PSD3: variants seen among roughly 807,000 people sequenced by gnomAD.
The protein encoded by PSD3 is pleckstrin and Sec7 domain containing 3.
A neutral mutation model predicts 105.5 loss-of-function variants in PSD3; 49 were observed. The observed-to-expected ratio is 0.46, with a 90% CI of 0.37 to 0.59. The LOEUF (loss-of-function observed/expected upper bound fraction) is 0.59, where lower values mean the gene tolerates loss of function less well. Among genes scored for constraint, PSD3 ranks in the 20% least tolerant of loss-of-function variants. PSD3 has a pLI of 0.00. For synonymous variants in PSD3, 557 were observed against 457.8 expected, an observed-to-expected ratio of 1.22 and a Z score of -2.77; for missense variants, 1,561 against 1,263.8, an observed-to-expected ratio of 1.24 and a Z score of -3.57.
intron 1 of PSD3, among the ~76,000 whole-genome samples, chr8:18,986,361 G>C (rs1262826298): frequency 1.3e-5 from 2 of 151,806 alleles, no homozygotes; most frequent in African/African-American, 2.4e-5. Flanking sequence ...TCAAATACTG[G>C]GTACCTCATA....
chr8:18,718,373 A>G (rs573694528), intron 9 of PSD3, among the ~76,000 whole-genome samples: 14 of 152,360 alleles, frequency 9.2e-5, no homozygotes, highest in Admixed American at 7.2e-4. Flanking sequence ...TTGTAGCTTT[A>G]GCATATTATT....
chr8:18,624,549 G>A (rs1480784034), intron 11 of PSD3, among the ~76,000 whole-genome samples: 4 of 93,570 alleles, frequency 4.3e-5, no homozygotes, highest in Non-Finnish European at 5.9e-5. Context: ...GGTGGGGGGA[G>A]GGGGGAGGGA....
chr8:19,015,199 A>C (rs1827138517), upstream of PSD3, among the ~76,000 whole-genome samples: 2 of 152,294 alleles, frequency 1.3e-5, no homozygotes, highest in South Asian at 4.1e-4. Context: ...GATTTTAAAA[A>C]TGGGAGCGCT....
chr8:18,849,106 T>C (rs10503637), intron 4 of PSD3, among the ~76,000 whole-genome samples: 5,552 of 152,302 alleles, frequency 0.036, 113 homozygotes, highest in Admixed American at 0.07. Context: ...GCAGCATTTA[T>C]ACACCTGGCA....
At chr8:19,006,227 G>T (rs1411216028) in intron 1 of PSD3, among the ~76,000 whole-genome samples, 11 of 150,554 alleles carry the variant, frequency 7.3e-5, no homozygotes, top group African/African-American at 2.4e-4. Context: ...CGGGAGGCGG[G>T]GGTTGCAGTG....
chr8:18,912,110 G>A (rs537205363), intron 2 of PSD3, among the ~76,000 whole-genome samples: 24 of 152,146 alleles, frequency 1.6e-4, no homozygotes, highest in Non-Finnish European at 2.8e-4. Context: ...AACACATCTT[G>A]TCTTCTGGGG....
chr8:18,975,410 A>G (rs1028005023), intron 1 of PSD3, among the ~76,000 whole-genome samples: 1 of 151,196 alleles, frequency 6.6e-6, no homozygotes, highest in Non-Finnish European at 1.5e-5. Context: ...GTAGAAGGCT[A>G]TAATTGGTGG....
At chr8:18,758,354 T>A (rs991352386) in intron 9 of PSD3, among the ~76,000 whole-genome samples, 4 of 151,828 alleles carry the variant, frequency 2.6e-5, no homozygotes, top group Non-Finnish European at 4.4e-5. Flanking sequence ...AAATTTCCAA[T>A]CTTCTCCCTG....
chr8:18,576,729 C>A (rs1004237638), intron 12 of PSD3, among the ~76,000 whole-genome samples: 1 of 151,918 alleles, frequency 6.6e-6, no homozygotes, highest in African/African-American at 2.4e-5. Context: ...AGATTCCAGA[C>A]AAAAACATGA....
intron 4 of PSD3, chr8:18,849,514 G>C (rs1211415571): frequency 6.6e-6 from 1 of 152,142 alleles, no homozygotes. Context: ...CATGTTGGCC[G>C]AGGTCTATAC....
chr8:18,966,151 T>C (rs1020578640), intron 1 of PSD3, among the ~76,000 whole-genome samples: 1 of 152,214 alleles, frequency 6.6e-6, no homozygotes, highest in African/African-American at 2.4e-5. Context: ...CCAGGCTATT[T>C]GAAAGAAAAT....
intron 14 of PSD3, among the ~76,000 whole-genome samples, chr8:18,563,337 A>G (rs925283151): frequency 1.1e-4 from 17 of 151,538 alleles, no homozygotes; most frequent in Non-Finnish European, 2.2e-4. Context: ...GTAGCTGAAC[A>G]AATAGATTTT....
chr8:18,719,550 C>A (rs949965778), intron 9 of PSD3, among the ~76,000 whole-genome samples: 1 of 152,080 alleles, frequency 6.6e-6, no homozygotes, highest in African/African-American at 2.4e-5. Flanking sequence ...CTCACTTGAA[C>A]AAGACTTTAA....
At chr8:18,987,300 T>A (rs947077470) in intron 1 of PSD3, among the ~76,000 whole-genome samples, 2 of 151,462 alleles carry the variant, frequency 1.3e-5, no homozygotes, top group Admixed American at 6.6e-5. Context: ...TTATATATAT[T>A]TTTTTAAGAC....
chr8:18,712,343 G>C (rs776724085), intron 9 of PSD3, among the ~76,000 whole-genome samples: 5 of 151,132 alleles, frequency 3.3e-5, no homozygotes, highest in Non-Finnish European at 5.9e-5. Flanking sequence ...GAATCCCAGA[G>C]CTGGTTTTTT....
intron 15 of PSD3, among the ~76,000 whole-genome samples, chr8:18,536,496 C>T (rs1021599619): frequency 6.6e-6 from 1 of 152,198 alleles, no homozygotes; most frequent in Admixed American, 6.5e-5. Flanking sequence ...GAGACCATAC[C>T]ACCTTCTAGA....
chr8:19,014,433 A>G (rs1166934555), upstream of PSD3: 5 of 152,300 alleles, frequency 3.3e-5, no homozygotes, highest in East Asian at 3.9e-4. This position sits in a 1 kb window ranked among gnomAD's most constrained non-coding sequence, Gnocchi z 4.9. Flanking sequence ...ATTTTCGAAC[A>G]TTAGTGCCCC....
intron 1 of PSD3, among the ~76,000 whole-genome samples, chr8:18,965,272 A>C (rs1824166400): frequency 2.0e-5 from 3 of 152,070 alleles, no homozygotes; most frequent in African/African-American, 7.2e-5. Context: ...TGACTTTCAC[A>C]CTCAGTTATA....
chr8:18,583,153 T>C (rs1802930822), intron 12 of PSD3, among the ~76,000 whole-genome samples: 1 of 152,132 alleles, frequency 6.6e-6, no homozygotes, highest in Non-Finnish European at 1.5e-5. Flanking sequence ...AATACAAATA[T>C]AAATGCTGTG....
Sources: gnomAD v4.1 joint callset for allele counts (sites outside exome capture counted in the v4.1 genomes callset) on GRCh38, gnomAD v4.1.1 for gene constraint, Gnocchi (gnomAD v3.1) non-coding constraint, MANE v1.5 for transcripts, NCBI Gene and HGNC (gene_info 2026-07-23, HGNC 2026-07-21) for gene names.